The following LY96 variants were observed in gnomAD, a reference collection of about 807,000 sequenced individuals.
LY96 encodes lymphocyte antigen 96.
Under a neutral mutation model 18.9 loss-of-function variants are expected in LY96, and 18 were observed. The observed-to-expected ratio is 0.95, with a 90% CI of 0.66 to 1.41. The LOEUF is 1.41. LY96 is among the 40% of genes most tolerant of loss of function. The pLI, the probability that LY96 is intolerant of heterozygous loss-of-function variation, is 0.00. For missense variants in LY96, 175 were observed against 182.4 expected (o/e 0.96, Z 0.23); for synonymous variants, 66 against 62.6 (o/e 1.06, Z -0.26).
the LY96 span, among the ~76,000 whole-genome samples, chr8:74,083,711 G>C: frequency 6.6e-6 from 1 of 151,830 alleles, no homozygotes; most frequent in African/African-American, 2.4e-5. Context: ...TTTTTTTTGA[G>C]ACAAGGTCTT....
chr8:74,083,439 C>T, the LY96 span, among the ~76,000 whole-genome samples: 1 of 152,162 alleles, frequency 6.6e-6, no homozygotes. Context: ...TGGTCTCGAA[C>T]TCCTGACCTT....
At chr8:73,991,619 A>T in intron 1 of LY96, 65 bp downstream of exon 1, 2 of 929,518 alleles carry the variant, frequency 2.2e-6, no homozygotes, top group East Asian at 4.9e-5. Context: ...TTTCACGAGA[A>T]CCGTACACTG....
At chr8:74,089,260 A>G in the LY96 span, among the ~76,000 whole-genome samples, 22 of 152,336 alleles carry the variant, frequency 1.4e-4, no homozygotes, top group African/African-American at 4.3e-4. Context: ...TTACTCACAC[A>G]TGTTTTATTC....
chr8:74,034,823 A>T, the LY96 span, among the ~76,000 whole-genome samples: 4 of 152,226 alleles, frequency 2.6e-5, no homozygotes, highest in East Asian at 7.7e-4. Context: ...TGAGATTGTA[A>T]GGGCCAGTTT....
chr8:74,083,848 T>A, the LY96 span, among the ~76,000 whole-genome samples: 2 of 151,916 alleles, frequency 1.3e-5, no homozygotes, highest in African/African-American at 4.8e-5. Context: ...TGTGCCCCCA[T>A]GCCTGGCTAA....
At chr8:74,036,808 C>T in the LY96 span, among the ~76,000 whole-genome samples, 1 of 152,196 alleles carries the variant, frequency 6.6e-6, no homozygotes, top group Non-Finnish European at 1.5e-5. Flanking sequence ...ATTAAGCTCT[C>T]TGAGTAGCTC....
At chr8:74,094,929 C>A in the LY96 span, among the ~76,000 whole-genome samples, 2 of 152,270 alleles carry the variant, frequency 1.3e-5, no homozygotes, top group Admixed American at 1.3e-4. Context: ...GGTAACTTGG[C>A]AGGAATGCTG....
chr8:74,097,108 A>T, the LY96 span, among the ~76,000 whole-genome samples: 8 of 152,152 alleles, frequency 5.3e-5, no homozygotes, highest in African/African-American at 1.9e-4. Flanking sequence ...AATAATTTTC[A>T]TGGTGATTGT....
the LY96 span, among the ~76,000 whole-genome samples, chr8:74,055,642 T>A: frequency 6.6e-6 from 1 of 152,148 alleles, no homozygotes; most frequent in Non-Finnish European, 1.5e-5. Flanking sequence ...GCAGTTATAA[T>A]CAAGGTCATA....
the LY96 span, among the ~76,000 whole-genome samples, chr8:74,081,042 CTTT>C: frequency 1.8e-5 from 2 of 108,262 alleles, no homozygotes; most frequent in African/African-American, 9.4e-5. Flanking sequence ...TTCTTTCTTT[CTTT>C]CTTTTTCTTT....
chr8:74,069,759 T>G, the LY96 span, among the ~76,000 whole-genome samples: 1 of 151,384 alleles, frequency 6.6e-6, no homozygotes, highest in African/African-American at 2.4e-5. Context: ...CCCACCATCA[T>G]GCTCAGGTAA....
the LY96 span, among the ~76,000 whole-genome samples, chr8:74,060,003 G>A: frequency 6.6e-6 from 1 of 152,210 alleles, no homozygotes; most frequent in Admixed American, 6.5e-5. Flanking sequence ...GCTGTGCGTG[G>A]TGGTGTGCAC....
At chr8:74,010,178 G>A (rs1346382207) in intron 3 of LY96, 49 bp downstream of exon 3, 1 of 1,530,032 alleles carries the variant, frequency 6.5e-7, no homozygotes, top group African/African-American at 1.4e-5. Context: ...AATTCTTTAT[G>A]AAAATGTTAT....
At chr8:74,013,946 C>A (rs547983561) in intron 3 of LY96, among the ~76,000 whole-genome samples, 2 of 151,908 alleles carry the variant, frequency 1.3e-5, no homozygotes, top group Non-Finnish European at 2.9e-5. Flanking sequence ...AGATAACTAG[C>A]ATCCATATGG....
chr8:74,026,738 T>A (rs1433312790), intron 3 of LY96, 51 bp from the exon 4 acceptor site: 3 of 1,048,950 alleles, frequency 2.9e-6, no homozygotes, highest in South Asian at 1.3e-5. Context: ...AAGAAAAAAA[T>A]ATCACCTAAC....
chr8:74,014,818 C>A (rs1642677259), intron 3 of LY96, among the ~76,000 whole-genome samples: 1 of 150,044 alleles, frequency 6.7e-6, no homozygotes, highest in South Asian at 2.1e-4. Context: ...AGTTTACACA[C>A]ACACACACAC....
At chr8:74,089,456 G>A in the LY96 span, among the ~76,000 whole-genome samples, 10,343 of 152,092 alleles carry the variant, frequency 0.068, 460 homozygotes, top group Middle Eastern at 0.15. Context: ...AACATGCATA[G>A]GACGAGCTCT....
the LY96 span, among the ~76,000 whole-genome samples, chr8:74,049,424 A>G: frequency 1.3e-5 from 2 of 152,220 alleles, no homozygotes; most frequent in Non-Finnish European, 2.9e-5. Context: ...TTCAGGTGAT[A>G]CACATTTTCA....
At chr8:74,035,369 G>T in the LY96 span, among the ~76,000 whole-genome samples, 1 of 152,150 alleles carries the variant, frequency 6.6e-6, no homozygotes, top group Non-Finnish European at 1.5e-5. Flanking sequence ...GATGGACCCA[G>T]GGCAGGCAGC....
Sources: gnomAD v4.1 joint callset for allele counts (sites outside exome capture counted in the v4.1 genomes callset) on GRCh38, gnomAD v4.1.1 for gene constraint, MANE v1.5 for transcripts, NCBI Gene and HGNC (gene_info 2026-07-23, HGNC 2026-07-21) for gene names.